RCC2: variants seen among roughly 807,000 people sequenced by gnomAD.
RCC2 encodes the protein regulator of chromosome condensation 2.
A neutral mutation model predicts 64.1 loss-of-function variants in RCC2; 19 were observed. The observed-to-expected ratio is 0.30, with a 90% CI of 0.21 to 0.44. The LOEUF (loss-of-function observed/expected upper bound fraction) is 0.44. Ranked by LOEUF, RCC2 falls within the 20% of genes least tolerant of loss-of-function variation. The probability of loss-of-function intolerance (pLI) is 1.00; values close to 1 mark genes in which losing one functional copy is unlikely to be tolerated. For missense variants in RCC2, 508 were observed against 710.4 expected, an observed-to-expected ratio of 0.72 and a Z score of 3.24; for synonymous variants, 325 against 279.6, an observed-to-expected ratio of 1.16 and a Z score of -1.62.
chr1:17,416,521 T>C lies in RCC2; in HGVS notation c.985A>G (p.Asn329Asp). Residue 329 changes from asparagine (N) to aspartate (D), a missense_variant, in exon 8 of 13, where the codon AAC (asparagine) becomes GAC (aspartate). By Grantham distance (23) the Asn-to-Asp change is conservative (BLOSUM62 1). Around this residue, in one of 4 missense-constraint regions of RCC2, gnomAD observed 179 missense variants for 322.0 expected, o/e 0.56. Transcript: ENST00000375436. ...CAGGCCACGTCTCGTACAACCACGT[T>C]TGGTACAGGCAGAATCTGTCCATCT... ...TKDGQILPVP[N>D]VVVRDVACGA... The C allele has an allele frequency of 1.2e-6, 2 of 1,613,786 alleles. No individual in the cohort carries two copies. The highest frequency in any genetic ancestry group is 1.7e-6 in the Non-Finnish European group (2 of 1,180,004).
At chr1:17,418,641 G>C (rs1372424608) in intron 7 of RCC2, among the ~76,000 whole-genome samples, 1 of 151,898 alleles carries the variant, frequency 6.6e-6, no homozygotes. Flanking sequence ...TGGTGACAGA[G>C]CAAGACTCCG....
chr1:17,413,759 C>A (rs780643377), intron 8 of RCC2, 42 bp from the exon 9 acceptor site: 1 of 1,556,114 alleles, frequency 6.4e-7, no homozygotes, highest in South Asian at 1.2e-5. Context: ...AACAGACTTC[C>A]AACAGGCAAC....
chr1:17,426,009 C>T (rs1302899941), intron 3 of RCC2, among the ~76,000 whole-genome samples: 2 of 152,186 alleles, frequency 1.3e-5, no homozygotes, highest in African/African-American at 4.8e-5. Flanking sequence ...TGCCATTGAG[C>T]ACGCCCACCC....
intron 6 of RCC2, 152 bp from the exon 7 acceptor site, chr1:17,420,980 G>C (rs939226957): frequency 1.6e-6 from 1 of 614,938 alleles, no homozygotes; most frequent in Non-Finnish European, 2.9e-6. Context: ...GGCATTTCTA[G>C]AACACAAAGC....
chr1:17,437,895 G>T (rs1240271969), intron 2 of RCC2, among the ~76,000 whole-genome samples: 1 of 145,646 alleles, frequency 6.9e-6, no homozygotes, highest in Non-Finnish European at 1.5e-5. Flanking sequence ...GGGGCGGGGG[G>T]GGAGGGGCGC....
intron 4 of RCC2, among the ~76,000 whole-genome samples, chr1:17,424,007 C>T (rs1390720209): frequency 6.6e-6 from 1 of 152,198 alleles, no homozygotes. Context: ...GCAGGAGAGG[C>T]AGATACACCA....
At position 17,407,714 on chromosome 1, in the gene RCC2, A is replaced by G. The variant is rs890434005; in HGVS notation, c.*1376T>C. ...GACAAGTGGTAACAAAGCAAAAGAAAAAAAAAACTTGAAGAGACCAATATT... is the reference window on the plus strand; with the variant it reads ...GACAAGTGGTAACAAAGCAAAAGAAGAAAAAAACTTGAAGAGACCAATATT... On this transcript the variant is annotated 3_prime_UTR_variant, in exon 13 of 13. Transcript: ENST00000375436. 1.3e-5 allele frequency: 2 copies of G among 152,642 alleles called. No individual in the cohort carries two copies. Among genetic ancestry groups the G allele is most frequent in the African/African-American group, 2.4e-5 (1 of 41,458 alleles). The allele number at this position is 152,642 out of a possible 1,614,324, so 9.5% of individuals were successfully genotyped here.
intron 6 of RCC2, among the ~76,000 whole-genome samples, chr1:17,421,643 G>A (rs929291407): frequency 2.3e-4 from 35 of 152,172 alleles, no homozygotes; most frequent in African/African-American, 8.2e-4. Flanking sequence ...ACAGGCTTAC[G>A]ACAAGGCATT....
chr1:17,413,114 C>A lies in RCC2; in HGVS notation c.1272G>T (p.Val424=). Residue 424 remains valine, a synonymous_variant, in exon 10 of 13, where the codon GTG becomes GTT. Transcript: ENST00000375436. ...SRESTMYPKA[V]QDLCGWRIRS... ...GGATTCTCCAGCCGCAGAGGTCCTG[C>A]ACTGCTTTTGGGTACATGGTAGATT... is the stretch of plus-strand genomic sequence containing the variant. 6.2e-7 allele frequency: 1 copy of A among 1,614,154 alleles called. No homozygotes were observed. The highest frequency in any genetic ancestry group is 8.5e-7 in the Non-Finnish European group (1 of 1,180,028).
chr1:17,429,607 G>A (rs751721749), intron 2 of RCC2, among the ~76,000 whole-genome samples: 7 of 152,158 alleles, frequency 4.6e-5, no homozygotes, highest in Admixed American at 3.9e-4. Flanking sequence ...TGGCAAGCAC[G>A]GCCTGCGACC....
chr1:17,438,873 C>T lies in RCC2; in HGVS notation c.-8-351G>A, dbSNP rs143422704. Reference sequence around the variant, plus strand: ...GGAAAGTAAAACCAGCCTCCAGTCCCCTAGATTTTCATTAAAGAAGGCTTC... The same window carrying T: ...GGAAAGTAAAACCAGCCTCCAGTCCTCTAGATTTTCATTAAAGAAGGCTTC... On this transcript the variant is annotated intron_variant, in intron 1 of 12. Transcript: ENST00000375436. Among the ~76,000 whole-genome samples the T allele has an allele frequency of 6.8e-3, 1,038 of 152,296 alleles. 11 individuals carry two copies. Among genetic ancestry groups the T allele is most frequent in the Non-Finnish European group, 8.4e-3 (573 of 68,008 alleles).
At position 17,408,843 on chromosome 1, in the gene RCC2, G is replaced by T; in HGVS notation, c.*247C>A. The T allele has an allele frequency of 2.3e-6, 1 of 443,312 alleles. No individual in the cohort carries two copies. The highest frequency in any genetic ancestry group is 3.5e-5 in the East Asian group (1 of 28,958). 27.5% of individuals were successfully genotyped at this position (443,312 alleles called of 1,614,324 possible). On this transcript the variant is annotated 3_prime_UTR_variant, in exon 13 of 13. Coordinates refer to ENST00000375436, the MANE Select transcript of RCC2 (RefSeq NM_018715.4). The stretch of plus-strand genomic sequence containing the variant: ...AGTTTCTGCCTCTTTTGTAGGAATG[G>T]TAAATCAACTATGAGCAAGTATTTT...
chr1:17,422,335 A>C (rs1227989491), intron 5 of RCC2, 44 bp from the exon 6 acceptor site: 1 of 1,505,048 alleles, frequency 6.6e-7, no homozygotes, highest in Non-Finnish European at 9.2e-7. Flanking sequence ...ATAATGGTGA[A>C]TGTTTTGAAC....
chr1:17,427,334 G>A (rs2075627413), intron 3 of RCC2, among the ~76,000 whole-genome samples: 1 of 152,174 alleles, frequency 6.6e-6, no homozygotes, highest in Non-Finnish European at 1.5e-5. Context: ...AGGCGGGCAG[G>A]GGCCAGCCGA....
In RCC2 at chr1:17,413,521, G is replaced by A; in HGVS notation, c.1207+16C>T. 1 of 1,613,450 alleles carries A rather than the reference G, an allele frequency of 6.2e-7. No homozygotes were observed. The highest frequency in any genetic ancestry group is 8.5e-7 in the Non-Finnish European group (1 of 1,179,466). ...GCACCAGAGCACTGATAAGCCAGGG[G>A]GCAGAAATCACTAACCCACTTCACT... On this transcript the variant is annotated intron_variant, in intron 9 of 12. Transcript: ENST00000375436.
rs772922466 is a variant in RCC2, at chr1:17,438,516, G to A, written c.-2C>T. On this transcript the variant is annotated 5_prime_UTR_variant, in exon 2 of 13. Coordinates refer to ENST00000375436, the MANE Select transcript of RCC2 (RefSeq NM_018715.4). ...CGCCGCCGCCTTCTTCCTGGGCATG[G>A]TCGCGGCTGGAGGGAGACACGGGGC... is the stretch of plus-strand genomic sequence containing the variant. 7 of 1,340,736 alleles carry A rather than the reference G, an allele frequency of 5.2e-6. No individual in the cohort carries two copies. The highest frequency in any genetic ancestry group is 2.8e-5 in the East Asian group (1 of 35,864). The allele number at this position is 1,340,736 out of a possible 1,614,324, so 83.1% of individuals were successfully genotyped here.
At position 17,438,370 on chromosome 1, in the gene RCC2, C is replaced by T. The variant is rs1190956143; in HGVS notation, c.145G>A (p.Gly49Ser). 87 of 1,243,484 alleles carry T rather than the reference C, an allele frequency of 7.0e-5. No homozygotes were observed. Among genetic ancestry groups the T allele is most frequent in the Non-Finnish European group, 8.5e-5 (85 of 997,046 alleles). 77.0% of individuals were successfully genotyped at this position (1,243,484 alleles called of 1,614,324 possible). A position where few individuals can be genotyped will look rare whatever the true frequency, so the allele number is the denominator to read the frequency against. Reference sequence around the variant, plus strand: ...AGGCCGTCCTCGTCGCCGCTGCTGCCGCCGCCGCTGCTGCTACTGCAGCGC... The same window carrying T: ...AGGCCGTCCTCGTCGCCGCTGCTGCTGCCGCCGCTGCTGCTACTGCAGCGC... The part of the protein sequence containing the change: ...PERCSSSSGG[G>S]SSGDEDGLEL... The change falls in exon 2 of 13, where the codon GGC becomes AGC. Residue 49 changes from glycine (G) to serine (S), a missense_variant. By Grantham distance (56) the Gly-to-Ser change is moderately conservative. Around this residue, in one of 4 missense-constraint regions of RCC2, gnomAD observed 195 missense variants for 158.3 expected, o/e 1.23. Coordinates refer to ENST00000375436, the MANE Select transcript of RCC2 (RefSeq NM_018715.4).
chr1:17,423,779 A>G (rs931846340), intron 4 of RCC2, among the ~76,000 whole-genome samples: 3 of 152,238 alleles, frequency 2.0e-5, no homozygotes, highest in African/African-American at 4.8e-5. Flanking sequence ...AGTCAGGGCA[A>G]TTCTAGGGGG....
chr1:17,437,709 G>A (rs965309228), intron 2 of RCC2, among the ~76,000 whole-genome samples: 4 of 906 alleles, frequency 4.4e-3, no homozygotes, highest in Admixed American at 0.014. Flanking sequence ...GCCCCCCCCG[G>A]GCGCCGGAGC....
Sources: gnomAD v4.1 joint callset for allele counts (sites outside exome capture counted in the v4.1 genomes callset) on GRCh38, gnomAD v4.1.1 for gene constraint, gnomAD v4.1.1 regional missense constraint, MANE v1.5 for transcripts, NCBI Gene and HGNC (gene_info 2026-07-23, HGNC 2026-07-21) for gene names.